UCK1: variants seen among roughly 807,000 people sequenced by gnomAD.
UCK1 encodes uridine-cytidine kinase 1, also known as cytidine monophosphokinase 1.
UCK1 carries 20 observed loss-of-function variants against 34.0 expected under a neutral mutation model. That is an observed-to-expected ratio of 0.59 (90% CI 0.41 to 0.86). The LOEUF (loss-of-function observed/expected upper bound fraction) is 0.86. UCK1 is among the 40% of genes least tolerant of loss of function. UCK1 has a pLI of 0.00. For missense variants in UCK1, 343 were observed against 383.6 expected (o/e 0.89, Z 0.88); for synonymous variants, 168 against 155.9 (o/e 1.08, Z -0.58).
Position 131,530,626 on chromosome 9 carries a change from A to T in UCK1, c.128T>A (p.Ile43Asn), listed in dbSNP as rs769999794. ...CTCGTTCTGTCCCAGCAACTCCATG[A>T]TCTTCTCACACACGGTCGACTGGAG... is the stretch of plus-strand genomic sequence containing the variant. ...ASGKSTVCEKIMELLGQNEVE... is the reference protein window; with the variant it reads ...ASGKSTVCEKNMELLGQNEVE... The change falls in exon 2 of 7, where the codon ATC (isoleucine) becomes AAC (asparagine). Residue 43 changes from isoleucine (I) to asparagine (N), a missense_variant. Coordinates refer to ENST00000372215, the MANE Select transcript of UCK1 (RefSeq NM_031432.5). 1 of 1,614,142 alleles carries T rather than the reference A, an allele frequency of 6.2e-7. No homozygotes were observed. The highest frequency in any genetic ancestry group is 1.1e-5 in the South Asian group (1 of 91,080).
intron 6 of UCK1, 88 bp from the exon 7 acceptor site, chr9:131,525,309 G>T (rs1588527462): frequency 1.3e-6 from 2 of 1,551,400 alleles, no homozygotes; most frequent in East Asian, 4.5e-5. Context: ...CCAGGAGTGA[G>T]CGCCCAACCT....
chr9:131,525,004 C>T lies in UCK1; in HGVS notation c.*36G>A. 3 of 1,592,764 alleles carry T rather than the reference C, an allele frequency of 1.9e-6. No homozygotes were observed. The highest frequency in any genetic ancestry group is 2.6e-6 in the Non-Finnish European group (3 of 1,166,912). On this transcript the variant is annotated 3_prime_UTR_variant, in exon 7 of 7. Coordinates refer to ENST00000372215, the MANE Select transcript of UCK1 (RefSeq NM_031432.5). Reference sequence around the variant, plus strand: ...CAGGCTCAGTCCCTGAACACACATGCCGGGCGGGAGACCTGCCCTGAGGCT... The same window carrying T: ...CAGGCTCAGTCCCTGAACACACATGTCGGGCGGGAGACCTGCCCTGAGGCT...
At chr9:131,529,374 G>A in intron 3 of UCK1, 104 bp from the exon 4 acceptor site, 1 of 1,600,690 alleles carries the variant, frequency 6.2e-7, no homozygotes, top group Non-Finnish European at 8.5e-7. Context: ...GGAAGGGGTG[G>A]GGGACCCACA....
chr9:131,528,295 A>T (rs748673160), intron 5 of UCK1, among the ~76,000 whole-genome samples: 7 of 152,064 alleles, frequency 4.6e-5, no homozygotes, highest in Non-Finnish European at 1.0e-4. Context: ...CGTGCAAAAC[A>T]CTCCCATTTG....
chr9:131,527,683 C>G (rs1445650987), intron 5 of UCK1, among the ~76,000 whole-genome samples: 1 of 151,790 alleles, frequency 6.6e-6, no homozygotes, highest in Non-Finnish European at 1.5e-5. Flanking sequence ...TGGAGACCAG[C>G]CTGGGCAACA....
chr9:131,526,275 C>G, intron 5 of UCK1: 1 of 705,718 alleles, frequency 1.4e-6, no homozygotes, highest in Non-Finnish European at 2.3e-6. Context: ...CAGGAGACAG[C>G]TGGCTACGCT....
chr9:131,528,782 A>G (rs1481922416), intron 5 of UCK1, 162 bp downstream of exon 5: 2 of 797,624 alleles, frequency 2.5e-6, no homozygotes, highest in Non-Finnish European at 3.9e-6. Flanking sequence ...ATGTTTTTAC[A>G]GCTGAGAACT....
intron 5 of UCK1, 174 bp from the exon 6 acceptor site, chr9:131,526,151 T>C (rs1278732290): frequency 3.8e-6 from 3 of 785,764 alleles, no homozygotes; most frequent in Non-Finnish European, 6.2e-6. Flanking sequence ...TGAGAGGCCA[T>C]GATCCAAGAA....
intron 5 of UCK1, among the ~76,000 whole-genome samples, chr9:131,527,140 A>G (rs1950637239): frequency 6.9e-6 from 1 of 143,894 alleles, no homozygotes; most frequent in Non-Finnish European, 1.5e-5. Flanking sequence ...CAACATGGCA[A>G]AACCCCGTCT....
At position 131,531,245 on chromosome 9, in the gene UCK1, G is replaced by T; in HGVS notation, c.-71C>A. The T allele has an allele frequency of 1.6e-6, 2 of 1,281,200 alleles. No homozygotes were observed. The highest frequency in any genetic ancestry group is 2.0e-6 in the Non-Finnish European group (2 of 1,006,882). 79.4% of individuals were successfully genotyped at this position (1,281,200 alleles called of 1,614,324 possible). ...CCCAGGCCCGGCGCGCCCGCCCAGC[G>T]CCGAGGTCGGAGGCAACCGGAGCGA... On this transcript the variant is annotated 5_prime_UTR_variant, in exon 1 of 7. Coordinates refer to ENST00000372215, the MANE Select transcript of UCK1 (RefSeq NM_031432.5).
chr9:131,526,283 G>T, intron 5 of UCK1: 1 of 736,568 alleles, frequency 1.4e-6, no homozygotes, highest in Non-Finnish European at 2.2e-6. Flanking sequence ...AGCTGGCTAC[G>T]CTAACGACTC....
intron 3 of UCK1, 91 bp downstream of exon 3, chr9:131,529,397 G>T: frequency 3.1e-6 from 5 of 1,599,406 alleles, no homozygotes; most frequent in South Asian, 2.2e-5. Flanking sequence ...AACCAACCGG[G>T]GGAGGCCTGC....
chr9:131,525,810 G>C, intron 6 of UCK1, 119 bp downstream of exon 6: 1 of 1,092,404 alleles, frequency 9.2e-7, no homozygotes, highest in East Asian at 2.4e-5. Context: ...CTGTGCCGCA[G>C]ATCAACACTG....
In UCK1 at chr9:131,524,743, C is replaced by CTTGAAT. The variant is rs1950516762; in HGVS notation, c.*296_*297insATTCAA. On this transcript the variant is annotated 3_prime_UTR_variant, in exon 7 of 7. Transcript: ENST00000372215. ...TTCCCCAATAATGTGCCTCACATTC[C>CTTGAAT]TCACAGAAGCCTCCCAGGCTTCCTG... 1 of 329,588 alleles carries CTTGAAT rather than the reference C, an allele frequency of 3.0e-6. No individual in the cohort carries two copies. The highest frequency in any genetic ancestry group is 2.1e-5 in the African/African-American group (1 of 46,894). 20.4% of individuals were successfully genotyped at this position (329,588 alleles called of 1,614,324 possible). A position where few individuals can be genotyped will look rare whatever the true frequency, so the allele number is the denominator to read the frequency against.
rs767654462 is a variant in UCK1, at chr9:131,528,931, C to T, written c.603+13G>A. On this transcript the variant is annotated intron_variant, in intron 5 of 6. Coordinates refer to ENST00000372215, the MANE Select transcript of UCK1 (RefSeq NM_031432.5). ...AAGGGGAAAATGGGCTCTGAAGCAG[C>T]GAGCACAGGTACCGGCAGGCAGAAC... The T allele has an allele frequency of 1.2e-6, 2 of 1,613,524 alleles. No individual in the cohort carries two copies. Among genetic ancestry groups the T allele is most frequent in the Middle Eastern group, 1.6e-4 (1 of 6,062 alleles).
chr9:131,530,436 C>T, intron 2 of UCK1, 50 bp downstream of exon 2: 1 of 1,603,262 alleles, frequency 6.2e-7, no homozygotes, highest in South Asian at 1.1e-5. Flanking sequence ...TGGTTAGCGG[C>T]CGCCCAGAAT....
intron 5 of UCK1, among the ~76,000 whole-genome samples, chr9:131,527,395 G>A (rs1588533290): frequency 6.6e-6 from 1 of 152,188 alleles, no homozygotes; most frequent in Non-Finnish European, 1.5e-5. Flanking sequence ...CATAGCAGGT[G>A]ACAGCACTTC....
At chr9:131,526,375 C>G (rs1438199861) in intron 5 of UCK1, 1 of 1,251,530 alleles carries the variant, frequency 8.0e-7, no homozygotes. Flanking sequence ...CTGCAAATAC[C>G]CTGGCACAGC....
chr9:131,529,494 T>C lies in UCK1; in HGVS notation c.359A>G (p.His120Arg). 3.7e-6 allele frequency: 6 copies of C among 1,613,948 alleles called. No individual in the cohort carries two copies. The highest frequency in any genetic ancestry group is 4.2e-6 in the Non-Finnish European group (5 of 1,179,950). ...VEVPTYDFVT[H>R]SRLPETTVVY... ...CCTAGAACCACCTGCTTACCTTGAGTGTGTCACAAAATCATAGGTCGGCAC... is the reference window on the plus strand; with the variant it reads ...CCTAGAACCACCTGCTTACCTTGAGCGTGTCACAAAATCATAGGTCGGCAC... Residue 120 changes from histidine (H) to arginine (R), a missense_variant, in exon 3 of 7, where the codon CAC (histidine) becomes CGC (arginine). Coordinates refer to ENST00000372215, the MANE Select transcript of UCK1 (RefSeq NM_031432.5).
Sources: allele counts gnomAD v4.1 joint callset (sites outside exome capture counted in the v4.1 genomes callset), GRCh38; gene constraint gnomAD v4.1.1; transcripts MANE v1.5; gene names NCBI Gene and HGNC (gene_info 2026-07-23, HGNC 2026-07-21).